NELL1: variants seen among roughly 807,000 people sequenced by gnomAD.
The protein encoded by NELL1 is protein kinase C-binding protein NELL1.
In NELL1, 76 loss-of-function variants were observed where a neutral mutation model predicts 107.4. The ratio of observed to expected loss-of-function variants is 0.71; its 90% CI spans 0.59 to 0.86. NELL1 has a LOEUF of 0.86. Among genes scored for constraint, NELL1 ranks in the 40% least tolerant of loss-of-function variants. The pLI, the probability that NELL1 is intolerant of heterozygous loss-of-function variation, is 0.00. For missense variants in NELL1, 1,024 were observed against 1,005.5 expected (o/e 1.02, Z -0.25); for synonymous variants, 353 against 341.2 (o/e 1.03, Z -0.38).
At chr11:21,041,408 A>G (rs1034132261) in intron 12 of NELL1, among the ~76,000 whole-genome samples, 4 of 152,188 alleles carry the variant, frequency 2.6e-5, no homozygotes, top group African/African-American at 9.6e-5. Flanking sequence ...CTACTTTTTT[A>G]TAGCAAAAAG....
chr11:21,382,729 CAAAT>C (rs1851641794), intron 15 of NELL1, among the ~76,000 whole-genome samples: 1 of 151,816 alleles, frequency 6.6e-6, no homozygotes, highest in Non-Finnish European at 1.5e-5. Flanking sequence ...CATTCTCTGT[CAAAT>C]AAATAAAAGC....
chr11:21,390,355 TATA>T (rs1219688155), intron 15 of NELL1, among the ~76,000 whole-genome samples: 12 of 143,206 alleles, frequency 8.4e-5, no homozygotes, highest in East Asian at 6.2e-4. Flanking sequence ...TTCCCATCTC[TATA>T]ATAACAATGA....
chr11:21,409,035 G>T (rs1466378963), intron 15 of NELL1, among the ~76,000 whole-genome samples: 2 of 151,988 alleles, frequency 1.3e-5, no homozygotes, highest in Admixed American at 6.6e-5. Context: ...ATTCCTCAGG[G>T]ATCTAGAACT....
At chr11:20,924,723 G>T (rs1239441552) in intron 7 of NELL1, among the ~76,000 whole-genome samples, 1 of 152,142 alleles carries the variant, frequency 6.6e-6, no homozygotes, top group Non-Finnish European at 1.5e-5. Context: ...ACAATTCTGA[G>T]ACCCTTTTAG....
At chr11:21,073,052 C>T (rs977318525) in intron 12 of NELL1, among the ~76,000 whole-genome samples, 4 of 152,120 alleles carry the variant, frequency 2.6e-5, no homozygotes, top group African/African-American at 9.7e-5. Flanking sequence ...CACCTCCCTC[C>T]TTTTTCTCTG....
chr11:20,983,731 T>C (rs1386003655), intron 12 of NELL1, among the ~76,000 whole-genome samples: 2 of 152,154 alleles, frequency 1.3e-5, no homozygotes, highest in Non-Finnish European at 2.9e-5. Flanking sequence ...CCTCTTCACT[T>C]CCTTCATTCT....
At chr11:21,272,263 C>T (rs1848755255) in intron 14 of NELL1, among the ~76,000 whole-genome samples, 2 of 152,242 alleles carry the variant, frequency 1.3e-5, no homozygotes, top group Admixed American at 1.3e-4. Context: ...ATATCCCACC[C>T]CTGGCTCGGA....
At chr11:21,492,307 C>G (rs1854843174) in intron 15 of NELL1, among the ~76,000 whole-genome samples, 1 of 152,030 alleles carries the variant, frequency 6.6e-6, no homozygotes, top group South Asian at 2.1e-4. Flanking sequence ...GGACTGTAAA[C>G]TAGTTCAACC....
chr11:21,184,075 G>C (rs893768135), intron 13 of NELL1, among the ~76,000 whole-genome samples: 1 of 151,762 alleles, frequency 6.6e-6, no homozygotes, highest in Non-Finnish European at 1.5e-5. Flanking sequence ...ACGTGTGACT[G>C]GGAACCCCAA....
intron 13 of NELL1, among the ~76,000 whole-genome samples, chr11:21,175,720 G>A (rs1856698152): frequency 6.6e-6 from 1 of 151,866 alleles, no homozygotes; most frequent in Non-Finnish European, 1.5e-5. Context: ...AGATCATCAT[G>A]ACAATGCGAC....
chr11:21,553,945 G>A (rs1428963230), intron 16 of NELL1, among the ~76,000 whole-genome samples: 1 of 151,760 alleles, frequency 6.6e-6, no homozygotes, highest in Admixed American at 6.6e-5. Context: ...TGTATAGCTG[G>A]GTATTAGTCA....
At chr11:20,814,171 T>C (rs542368786) in intron 3 of NELL1, among the ~76,000 whole-genome samples, 1 of 151,974 alleles carries the variant, frequency 6.6e-6, no homozygotes, top group Non-Finnish European at 1.5e-5. Context: ...AATTTTTGCA[T>C]TTTTAGTAGA....
At chr11:21,320,128 G>A (rs1294826436) in intron 14 of NELL1, among the ~76,000 whole-genome samples, 2 of 152,126 alleles carry the variant, frequency 1.3e-5, no homozygotes, top group Admixed American at 1.3e-4. Flanking sequence ...CCATGTTTCA[G>A]TGGGATGGTT....
At chr11:21,010,074 C>A (rs1852413868) in intron 12 of NELL1, among the ~76,000 whole-genome samples, 1 of 151,874 alleles carries the variant, frequency 6.6e-6, no homozygotes, top group Non-Finnish European at 1.5e-5. Flanking sequence ...TTGACTGCAT[C>A]TCTCTCAGAC....
chr11:20,911,501 A>G (rs1165061388), intron 5 of NELL1, among the ~76,000 whole-genome samples: 1 of 152,202 alleles, frequency 6.6e-6, no homozygotes, highest in Non-Finnish European at 1.5e-5. Context: ...CATTCAACAA[A>G]TATTTATTAA....
chr11:21,519,548 T>TTG (rs1177292077), intron 15 of NELL1, among the ~76,000 whole-genome samples: 4 of 151,306 alleles, frequency 2.6e-5, no homozygotes, highest in Admixed American at 2.0e-4. Flanking sequence ...GTTTTTTGTT[T>TTG]TTTTTTTTAG....
chr11:20,793,116 A>C (rs1031517705), intron 3 of NELL1, among the ~76,000 whole-genome samples: 1 of 151,998 alleles, frequency 6.6e-6, no homozygotes, highest in Non-Finnish European at 1.5e-5. Flanking sequence ...AAGTACAAAA[A>C]ATATTTAGGC....
chr11:21,272,904 C>G (rs571189899), intron 14 of NELL1, among the ~76,000 whole-genome samples: 141 of 152,232 alleles, frequency 9.3e-4, no homozygotes, highest in African/African-American at 3.3e-3. Context: ...CCCATCTGTA[C>G]GTCACCATCA....
chr11:21,376,637 G>A (rs533432174), intron 15 of NELL1, among the ~76,000 whole-genome samples: 3 of 152,106 alleles, frequency 2.0e-5, no homozygotes, highest in East Asian at 3.9e-4. Flanking sequence ...AGGTTGCTTT[G>A]GGCAGTATGG....
Sources: allele counts gnomAD v4.1 joint callset (sites outside exome capture counted in the v4.1 genomes callset), GRCh38; gene constraint gnomAD v4.1.1; transcripts MANE v1.5; gene names NCBI Gene and HGNC (gene_info 2026-07-23, HGNC 2026-07-21).